The following MED13 variants were observed in gnomAD, a reference collection of about 807,000 sequenced individuals.
MED13 encodes the protein mediator of RNA polymerase II transcription subunit 13.
A neutral mutation model predicts 225.2 loss-of-function variants in MED13; 23 were observed. The ratio of observed to expected loss-of-function variants is 0.10; its 90% confidence interval spans 0.07 to 0.14. The LOEUF (loss-of-function observed/expected upper bound fraction) is 0.14, where lower values mean the gene tolerates loss of function less well. Ranked by LOEUF, MED13 falls within the 10% of genes least tolerant of loss-of-function variation. The pLI, the probability that MED13 is intolerant of heterozygous loss-of-function variation, is 1.00. For missense variants in MED13, 2,197 were observed against 2,594.5 expected (o/e 0.85, Z 3.33); for synonymous variants, 942 against 889.2 (o/e 1.06, Z -1.06).
At chr17:62,052,018 A>C (rs1050082725) in intron 3 of MED13, among the ~76,000 whole-genome samples, 4 of 152,202 alleles carry the variant, frequency 2.6e-5, no homozygotes, top group African/African-American at 9.6e-5. Context: ...AATTTGCTTA[A>C]TTCATTGCTC....
chr17:62,055,277 C>A (rs2080987595), intron 2 of MED13, among the ~76,000 whole-genome samples: 1 of 151,892 alleles, frequency 6.6e-6, no homozygotes, highest in Non-Finnish European at 1.5e-5. Context: ...GTAGTCCCAG[C>A]TACTCAGGAG....
intron 5 of MED13, among the ~76,000 whole-genome samples, chr17:62,033,002 T>A (rs2080770989): frequency 6.6e-6 from 1 of 151,934 alleles, no homozygotes; most frequent in South Asian, 2.1e-4. Context: ...TTACAAAAAT[T>A]AGGTGGGCAT....
At chr17:62,020,957 T>C (rs1013361378) in intron 8 of MED13, among the ~76,000 whole-genome samples, 2 of 150,942 alleles carry the variant, frequency 1.3e-5, no homozygotes. Context: ...TTAATCCATT[T>C]AACCCTGAGT....
Position 61,965,382 on chromosome 17 carries a change from G to A in MED13, c.4468C>T (p.Pro1490Ser), listed in dbSNP as rs756580776. 6 of 1,614,106 alleles carry A rather than the reference G, an allele frequency of 3.7e-6. No individual in the cohort carries two copies. The highest frequency in any genetic ancestry group is 5.1e-6 in the Non-Finnish European group (6 of 1,179,950). The change falls in exon 20 of 30, where the codon CCA (proline) becomes TCA (serine). Residue 1490 changes from proline (P) to serine (S), a missense_variant. Coordinates refer to ENST00000397786, the MANE Select transcript of MED13 (RefSeq NM_005121.3). ...VAPTSQSLIT[P>S]PQMTNTGNAN... is the part of the protein sequence containing the mutation. ...TTTCCAGTATTTGTCATCTGAGGTG[G>A]AGTAATCAAAGACTGACTTGTAGGG...
chr17:62,051,771 T>C (rs1239821448), intron 3 of MED13, among the ~76,000 whole-genome samples: 2 of 152,196 alleles, frequency 1.3e-5, no homozygotes, highest in African/African-American at 2.4e-5. Context: ...AATTAGTAAG[T>C]TCCCTTTAGT....
In MED13 at chr17:61,965,027, G is replaced by A. The variant is rs151011641; in HGVS notation, c.4823C>T (p.Pro1608Leu). The A allele has an allele frequency of 3.6e-3, 5,739 of 1,613,956 alleles. 45 individuals are homozygous for A. The highest frequency in any genetic ancestry group is 0.021 in the South Asian group (1,898 of 91,076). The change falls in exon 20 of 30, where the codon CCG (proline) becomes CTG (leucine). Residue 1608 changes from proline (P) to leucine (L), a missense_variant. Transcript: ENST00000397786. ...GTACCTTTCAGACACATCAGGATGCGGCTGAGTGGGAAGTGAAGATGATTC... is the reference window on the plus strand; with the variant it reads ...GTACCTTTCAGACACATCAGGATGCAGCTGAGTGGGAAGTGAAGATGATTC... ...SGESSSLPTQ[P>L]HPDVSESTMD...
chr17:61,966,363 A>T (rs926158785), intron 19 of MED13, 99 bp downstream of exon 19: 1 of 915,106 alleles, frequency 1.1e-6, no homozygotes, highest in Admixed American at 2.5e-5. Context: ...ATAAATGAGG[A>T]TGGCTGTGTT....
At chr17:62,014,759 G>A (rs1246378364) in intron 8 of MED13, among the ~76,000 whole-genome samples, 1 of 152,080 alleles carries the variant, frequency 6.6e-6, no homozygotes, top group African/African-American at 2.4e-5. Context: ...CTGGACTCAA[G>A]AGAGCCTCCC....
chr17:61,946,591 C>T lies in MED13; in HGVS notation c.6402G>A (p.Leu2134=), dbSNP rs762477234. 5 of 1,609,786 alleles carry T rather than the reference C, an allele frequency of 3.1e-6. No individual in the cohort carries two copies. Among genetic ancestry groups the T allele is most frequent in the Non-Finnish European group, 4.2e-6 (5 of 1,179,128 alleles). Residue 2134 remains leucine, a synonymous_variant, in exon 30 of 30, where the codon TTG becomes TTA. Transcript: ENST00000397786. Reference sequence around the variant, plus strand: ...GCCAGGAGAGTGCATTGTACTGTTCCAAAACAAACCTGAAAAGCAAATAAA... The same window carrying T: ...GCCAGGAGAGTGCATTGTACTGTTCTAAAACAAACCTGAAAAGCAAATAAA... ...NQTSDVLRFV[L]EQYNALSWLT...
chr17:61,982,074 A>G, intron 16 of MED13, 124 bp downstream of exon 16: 1 of 842,740 alleles, frequency 1.2e-6, no homozygotes, highest in Non-Finnish European at 1.8e-6. Flanking sequence ...CATCATCCAT[A>G]AAGAGTTTTA....
chr17:61,961,827 A>G (rs765574843), intron 21 of MED13, 48 bp from the exon 22 acceptor site: 37 of 1,542,922 alleles, frequency 2.4e-5, no homozygotes, highest in East Asian at 6.8e-5. Context: ...CCAAAAGAGA[A>G]TAACAGGAAC....
At position 61,961,442 on chromosome 17, in the gene MED13, C is replaced by T. The variant is rs906937586; in HGVS notation, c.5256+146G>A. 37 of 724,042 alleles carry T rather than the reference C, an allele frequency of 5.1e-5. No homozygotes were observed. The East Asian group carries it at 9.0e-4, about 18-fold the overall frequency. The allele number at this position is 724,042 out of a possible 1,614,324, so 44.9% of individuals were successfully genotyped here. A position where few individuals can be genotyped will look rare whatever the true frequency, so the allele number is the denominator to read the frequency against. ...GGCTGAGGCAGGAGAATCGCTTGAA[C>T]CCAGGAGGCAGAGGTTGTGGTGAGC... On this transcript the variant is annotated intron_variant, in intron 22 of 29. Coordinates refer to ENST00000397786, the MANE Select transcript of MED13 (RefSeq NM_005121.3).
At chr17:62,043,421 C>G (rs367823331) in intron 3 of MED13, among the ~76,000 whole-genome samples, 1 of 152,164 alleles carries the variant, frequency 6.6e-6, no homozygotes, top group East Asian at 1.9e-4. Flanking sequence ...AATAAAAAGG[C>G]ACATCCAGTC....
intron 9 of MED13, among the ~76,000 whole-genome samples, chr17:62,007,863 T>TA (rs2080466512): frequency 6.9e-6 from 1 of 144,220 alleles, no homozygotes; most frequent in Admixed American, 6.9e-5. Context: ...ATAAAAAACA[T>TA]AAAAAATTAG....
chr17:61,950,301 G>C (rs556371653), intron 28 of MED13, among the ~76,000 whole-genome samples: 14 of 147,614 alleles, frequency 9.5e-5, no homozygotes, highest in Middle Eastern at 3.6e-3. Context: ...TCGAATAAGG[G>C]ATACTCAATC....
intron 3 of MED13, among the ~76,000 whole-genome samples, chr17:62,046,400 T>C (rs1473835131): frequency 2.6e-5 from 4 of 152,246 alleles, no homozygotes; most frequent in African/African-American, 9.6e-5. Context: ...GAGCATATAC[T>C]ATTTCTGGTA....
At chr17:61,961,197 C>A (rs1209274912) in intron 22 of MED13, 107 bp from the exon 23 acceptor site, 12 of 1,026,168 alleles carry the variant, frequency 1.2e-5, no homozygotes, top group Non-Finnish European at 1.5e-5. Flanking sequence ...TGGAAAATGA[C>A]AGCTAAGCCA....
intron 19 of MED13, among the ~76,000 whole-genome samples, chr17:61,965,727 ATTCTATT>A (rs1240985262): frequency 9.9e-5 from 15 of 152,230 alleles, no homozygotes; most frequent in African/African-American, 2.9e-4. Flanking sequence ...GTGTAACAAA[ATTCTATT>A]TTCTAAGTAT....
intron 3 of MED13, among the ~76,000 whole-genome samples, chr17:62,036,672 C>T (rs1334660152): frequency 6.6e-6 from 1 of 152,020 alleles, no homozygotes; most frequent in Non-Finnish European, 1.5e-5. Context: ...CTAGAGTTAA[C>T]AGAAGTGGGA....
Sources: gnomAD v4.1 joint callset for allele counts (sites outside exome capture counted in the v4.1 genomes callset) on GRCh38, gnomAD v4.1.1 for gene constraint, MANE v1.5 for transcripts, NCBI Gene and HGNC (gene_info 2026-07-23, HGNC 2026-07-21) for gene names.